The following DNAH11 variants were observed in gnomAD, a reference collection of about 807,000 sequenced individuals.
DNAH11 encodes the protein dynein axonemal heavy chain 11.
In DNAH11, 442 loss-of-function variants were observed where a neutral mutation model predicts 526.0. That is an observed-to-expected ratio of 0.84 (90% CI 0.78 to 0.91). The LOEUF (loss-of-function observed/expected upper bound fraction) is 0.91. Ranked by LOEUF, DNAH11 falls within the 40% of genes least tolerant of loss-of-function variation. The probability of loss-of-function intolerance (pLI) is 0.00; values close to 1 mark genes in which losing one functional copy is unlikely to be tolerated. For missense variants in DNAH11, 6,989 were observed against 5,448.7 expected (o/e 1.28, Z -8.90); for synonymous variants, 2,461 against 1,935.9 (o/e 1.27, Z -7.12).
intron 54 of DNAH11, among the ~76,000 whole-genome samples, chr7:21,759,749 C>T (rs190853008): frequency 3.9e-5 from 6 of 152,248 alleles, no homozygotes; most frequent in African/African-American, 1.4e-4. Context: ...GGACTGAGCC[C>T]TGTTAGTAAT....
intron 62 of DNAH11, among the ~76,000 whole-genome samples, chr7:21,806,240 A>G (rs1789259267): frequency 6.6e-6 from 1 of 152,214 alleles, no homozygotes; most frequent in Admixed American, 6.5e-5. Context: ...TTCAAATCTC[A>G]AAGCTGTTTT....
chr7:21,609,967 A>G (rs1470985016), intron 20 of DNAH11, among the ~76,000 whole-genome samples: 1 of 152,166 alleles, frequency 6.6e-6, no homozygotes, highest in Admixed American at 6.5e-5. Flanking sequence ...AAAAAAACAG[A>G]AAAGGGGCCG....
chr7:21,871,032 A>ATT (rs1783474209), intron 73 of DNAH11, among the ~76,000 whole-genome samples: 2 of 152,238 alleles, frequency 1.3e-5, no homozygotes, highest in Admixed American at 1.3e-4. Flanking sequence ...TTTACATTAA[A>ATT]TTACATTAAC....
rs775216155 is a variant in DNAH11, at chr7:21,591,222, A to G, written c.2312A>G (p.Asn771Ser). The change falls in exon 14 of 82, where the codon AAT (asparagine) becomes AGT (serine). Residue 771 changes from asparagine (N) to serine (S), a missense_variant. Asn to Ser is a conservative substitution (Grantham distance 46, BLOSUM62 1). Transcript: ENST00000409508. Reference protein sequence around the residue: ...GNLDLLVQGYNKLKQTLLEVE... With the variant: ...GNLDLLVQGYSKLKQTLLEVE... ...CTTGACCTTCTTGTGCAAGGGTATA[A>G]TAAACTCAAACAGACGCTCCTGGAA... 1.2e-5 allele frequency: 19 copies of G among 1,573,952 alleles called. No homozygotes were observed. The highest frequency in any genetic ancestry group is 1.6e-5 in the Non-Finnish European group (19 of 1,161,876).
intron 37 of DNAH11, 69 bp downstream of exon 37, chr7:21,702,871 C>G: frequency 1.5e-6 from 2 of 1,350,162 alleles, no homozygotes; most frequent in Non-Finnish European, 2.1e-6. Context: ...AAAGTATATG[C>G]CTGGATGGTG....
chr7:21,876,353 A>G (rs1010591015), intron 74 of DNAH11, among the ~76,000 whole-genome samples: 2 of 152,222 alleles, frequency 1.3e-5, no homozygotes, highest in African/African-American at 4.8e-5. Flanking sequence ...CAGAAAATCT[A>G]AAATGTTAGA....
intron 39 of DNAH11, among the ~76,000 whole-genome samples, chr7:21,706,605 T>A (rs1162028138): frequency 6.6e-6 from 1 of 152,244 alleles, no homozygotes; most frequent in East Asian, 1.9e-4. Flanking sequence ...AATTCTATAC[T>A]TTCCAGTGGA....
intron 81 of DNAH11, 115 bp from the exon 82 acceptor site, chr7:21,900,892 G>A: frequency 6.8e-7 from 1 of 1,470,272 alleles, no homozygotes; most frequent in Non-Finnish European, 9.0e-7. Context: ...CCACTGACAA[G>A]CAAAAATATG....
At chr7:21,620,799 G>C (rs1213137739) in intron 25 of DNAH11, among the ~76,000 whole-genome samples, 1 of 141,964 alleles carries the variant, frequency 7.0e-6, no homozygotes, top group Non-Finnish European at 1.5e-5. Flanking sequence ...CCACCTATGA[G>C]TGAGAATATG....
rs1786329977 is a variant in DNAH11, at chr7:21,749,814, A to G, written c.8797+13A>G. ...TTGCTGGCATCAGGTGATTAAACCAACACATTTCTTGAAAGATCTTCCCCA... is the reference window on the plus strand; with the variant it reads ...TTGCTGGCATCAGGTGATTAAACCAGCACATTTCTTGAAAGATCTTCCCCA... On this transcript the variant is annotated intron_variant, in intron 53 of 81. Coordinates refer to ENST00000409508, the MANE Select transcript of DNAH11 (RefSeq NM_001277115.2). 1.2e-6 allele frequency: 2 copies of G among 1,613,358 alleles called. No individual in the cohort carries two copies. The highest frequency in any genetic ancestry group is 1.7e-6 in the Non-Finnish European group (2 of 1,179,628).
chr7:21,707,709 C>A lies in DNAH11; in HGVS notation c.6557C>A (p.Thr2186Lys), dbSNP rs754239542. 1 of 1,612,238 alleles carries A rather than the reference C, an allele frequency of 6.2e-7. No homozygotes were observed. Among genetic ancestry groups the A allele is most frequent in the Non-Finnish European group, 8.5e-7 (1 of 1,179,206 alleles). ...CCTCCTTCCCCTCAGATTTTGAGAA[C>A]ACTGAACCGAACATATGTTAACATG... is the stretch of plus-strand genomic sequence containing the variant. ...AGTGKSKILRTLNRTYVNMKQ... is the reference protein window; with the variant it reads ...AGTGKSKILRKLNRTYVNMKQ... The change falls in exon 40 of 82, where the codon ACA becomes AAA. Residue 2186 changes from threonine (T) to lysine (K), a missense_variant. Coordinates refer to ENST00000409508, the MANE Select transcript of DNAH11 (RefSeq NM_001277115.2).
intron 30 of DNAH11, among the ~76,000 whole-genome samples, chr7:21,659,291 C>T (rs1332638752): frequency 1.3e-5 from 2 of 148,924 alleles, no homozygotes; most frequent in East Asian, 2.0e-4. Context: ...ACTGTACATG[C>T]TTATTTTCTT....
At chr7:21,819,430 C>A (rs1789958930) in intron 65 of DNAH11, among the ~76,000 whole-genome samples, 1 of 152,140 alleles carries the variant, frequency 6.6e-6, no homozygotes, top group Admixed American at 6.5e-5. Flanking sequence ...TTTACCCAGG[C>A]ACACATTTAG....
At chr7:21,716,391 A>G (rs898648564) in intron 42 of DNAH11, among the ~76,000 whole-genome samples, 1 of 152,236 alleles carries the variant, frequency 6.6e-6, no homozygotes. Flanking sequence ...GCAAACTTAC[A>G]TAATCCTCAC....
At chr7:21,854,205 T>C (rs1052142185) in intron 67 of DNAH11, 110 bp from the exon 68 acceptor site, 30 of 1,124,022 alleles carry the variant, frequency 2.7e-5, no homozygotes, top group Non-Finnish European at 3.6e-5. Context: ...GCATGTTATC[T>C]ATTTTAATAC....
At chr7:21,626,812 G>A (rs540742821) in intron 25 of DNAH11, among the ~76,000 whole-genome samples, 17 of 141,238 alleles carry the variant, frequency 1.2e-4, no homozygotes, top group African/African-American at 4.0e-4. Flanking sequence ...GTACAGTGGC[G>A]TGATCTCGGC....
At chr7:21,628,409 C>T (rs1312514388) in intron 25 of DNAH11, among the ~76,000 whole-genome samples, 2 of 152,032 alleles carry the variant, frequency 1.3e-5, no homozygotes, top group African/African-American at 4.8e-5. Context: ...CCATTCAGTA[C>T]AATGTTAGCT....
At chr7:21,650,427 TATAAC>T (rs1024201080) in intron 28 of DNAH11, among the ~76,000 whole-genome samples, 32 of 152,200 alleles carry the variant, frequency 2.1e-4, no homozygotes, top group African/African-American at 6.0e-4. Flanking sequence ...GTTTGTGAGT[TATAAC>T]ATATATACTT....
intron 61 of DNAH11, among the ~76,000 whole-genome samples, chr7:21,795,884 T>A (rs1170798944): frequency 1.3e-5 from 2 of 152,250 alleles, no homozygotes; most frequent in Admixed American, 1.3e-4. Context: ...AGGAGCAGTT[T>A]CCTCTTGAAT....
Sources: allele counts gnomAD v4.1 joint callset (sites outside exome capture counted in the v4.1 genomes callset), GRCh38; gene constraint gnomAD v4.1.1; transcripts MANE v1.5; gene names NCBI Gene and HGNC (gene_info 2026-07-23, HGNC 2026-07-21).